ANKS1A: variants seen among roughly 807,000 people sequenced by gnomAD.
The protein encoded by ANKS1A is ankyrin repeat and sterile alpha motif domain containing 1A.
A neutral mutation model predicts 120.3 loss-of-function variants in ANKS1A; 55 were observed. That is an observed-to-expected ratio of 0.46 (90% CI 0.37 to 0.57). ANKS1A has a LOEUF of 0.57. Among genes scored for constraint, ANKS1A ranks in the 20% least tolerant of loss-of-function variants. ANKS1A has a pLI of 0.00. For synonymous variants in ANKS1A, 590 were observed against 604.7 expected (o/e 0.98, Z 0.36); for missense variants, 1,123 against 1,480.3 (o/e 0.76, Z 3.96).
intron 1 of ANKS1A, among the ~76,000 whole-genome samples, chr6:34,959,063 A>G (rs1056195351): frequency 7.9e-5 from 12 of 152,250 alleles, no homozygotes; most frequent in Middle Eastern, 6.3e-3. Context: ...AGTAAGCAAT[A>G]AAGTAGCTGG....
At chr6:34,902,737 A>G (rs1200307111) in intron 1 of ANKS1A, among the ~76,000 whole-genome samples, 1 of 148,790 alleles carries the variant, frequency 6.7e-6, no homozygotes, top group Non-Finnish European at 1.5e-5. Flanking sequence ...CGGAAGGCGG[A>G]GGTTGCAGTG....
At chr6:35,000,651 A>G (rs902921218) in intron 10 of ANKS1A, among the ~76,000 whole-genome samples, 4 of 152,156 alleles carry the variant, frequency 2.6e-5, no homozygotes, top group Non-Finnish European at 4.4e-5. Context: ...TCATGAAAGA[A>G]AAAATGTTAT....
intron 10 of ANKS1A, among the ~76,000 whole-genome samples, chr6:35,008,205 C>G (rs1328547742): frequency 6.8e-6 from 1 of 147,086 alleles, no homozygotes; most frequent in Non-Finnish European, 1.5e-5. Context: ...TCAGCAGCTT[C>G]CTCTTCTCTC....
intron 1 of ANKS1A, among the ~76,000 whole-genome samples, chr6:34,899,924 G>A (rs1214706085): frequency 1.3e-5 from 2 of 152,234 alleles, no homozygotes; most frequent in African/African-American, 4.8e-5. Flanking sequence ...AGCCCATACT[G>A]TAGTATTTGA....
At chr6:34,895,780 C>CTTTTT (rs995285475) in intron 1 of ANKS1A, among the ~76,000 whole-genome samples, 1,730 of 90,502 alleles carry the variant, frequency 0.019, 44 homozygotes, top group African/African-American at 0.039. Flanking sequence ...GAATGTCTTT[C>CTTTTT]TTTTTTTTTT....
rs1448436041 is a variant in ANKS1A, at chr6:34,989,456, A to G, written c.1302+140A>G. The G allele has an allele frequency of 1.8e-5, 14 of 766,246 alleles. No homozygotes were observed. In the South Asian group the frequency reaches 2.0e-4, roughly 11 times the overall value. 47.5% of individuals were successfully genotyped at this position (766,246 alleles called of 1,614,324 possible). ...TAAATTTGTATTATGTGTACTAGTA[A>G]TCTGGAATAAGACCTTCCAAACTCA... On this transcript the variant is annotated intron_variant, in intron 9 of 23. Coordinates refer to ENST00000360359, the MANE Select transcript of ANKS1A (RefSeq NM_015245.3).
At chr6:35,012,901 G>A (rs1773837918) in intron 10 of ANKS1A, among the ~76,000 whole-genome samples, 1 of 152,130 alleles carries the variant, frequency 6.6e-6, no homozygotes. Context: ...CAGACTGTGG[G>A]GAGGGCAGAG....
chr6:35,060,068 C>A lies in ANKS1A; in HGVS notation c.2078-79C>A. 1 of 1,157,820 alleles carries A rather than the reference C, an allele frequency of 8.6e-7. No individual in the cohort carries two copies. Among genetic ancestry groups the A allele is most frequent in the Non-Finnish European group, 1.3e-6 (1 of 788,178 alleles). The allele number at this position is 1,157,820 out of a possible 1,614,324, so 71.7% of individuals were successfully genotyped here. A position where few individuals can be genotyped will look rare whatever the true frequency, so the allele number is the denominator to read the frequency against. On this transcript the variant is annotated intron_variant, in intron 12 of 23. Transcript: ENST00000360359. The surrounding 1 kb of genome is among the most constrained non-coding windows in gnomAD (Gnocchi z 4.5). ...AATGACTATGATGTGGCAATGCCAT[C>A]TATCTTCCTCTGAGTGCCGCTGCTA...
intron 13 of ANKS1A, among the ~76,000 whole-genome samples, chr6:35,075,038 G>A (rs189368990): frequency 5.9e-5 from 9 of 152,308 alleles, no homozygotes; most frequent in Admixed American, 4.6e-4. Flanking sequence ...AGGAATTTCA[G>A]ACACCATAGA....
intron 1 of ANKS1A, among the ~76,000 whole-genome samples, chr6:34,910,659 G>T (rs1393551229): frequency 1.3e-5 from 2 of 152,002 alleles, no homozygotes; most frequent in African/African-American, 4.8e-5. Context: ...TCAGGAGTTC[G>T]AGACCAGCCT....
At chr6:34,952,191 A>C (rs1770123304) in intron 1 of ANKS1A, among the ~76,000 whole-genome samples, 1 of 152,168 alleles carries the variant, frequency 6.6e-6, no homozygotes, top group South Asian at 2.1e-4. Context: ...AGTTCTTATG[A>C]GAAGGAAATA....
chr6:34,904,074 G>A (rs1767510187), intron 1 of ANKS1A, among the ~76,000 whole-genome samples: 1 of 152,104 alleles, frequency 6.6e-6, no homozygotes, highest in Non-Finnish European at 1.5e-5. Context: ...AGTCTCCATG[G>A]GGGATTGATT....
At chr6:34,904,234 A>G (rs115183931) in intron 1 of ANKS1A, among the ~76,000 whole-genome samples, 35 of 152,344 alleles carry the variant, frequency 2.3e-4, no homozygotes, top group African/African-American at 7.7e-4. Context: ...AATGCTATGT[A>G]AATAGTTATT....
At chr6:35,000,462 A>G (rs1406496267) in intron 10 of ANKS1A, among the ~76,000 whole-genome samples, 4 of 20,152 alleles carry the variant, frequency 2.0e-4, no homozygotes, top group Non-Finnish European at 1.1e-3. Context: ...AAGTTCACTT[A>G]AAAAAAAAAA....
intron 1 of ANKS1A, among the ~76,000 whole-genome samples, chr6:34,965,688 T>G (rs536322006): frequency 6.6e-6 from 1 of 152,050 alleles, no homozygotes; most frequent in Non-Finnish European, 1.5e-5. Flanking sequence ...ACACTAAGCA[T>G]AAAGGCTCTG....
chr6:35,017,735 G>C lies in ANKS1A; in HGVS notation c.1686G>C (p.Gln562His), dbSNP rs141294562. The C allele has an allele frequency of 6.2e-7, 1 of 1,613,980 alleles. No individual in the cohort carries two copies. The highest frequency in any genetic ancestry group is 1.3e-5 in the African/African-American group (1 of 74,948). Residue 562 changes from glutamine to histidine, a missense_variant, in exon 11 of 24, where the codon CAG (glutamine) becomes CAC (histidine). Transcript: ENST00000360359. ...CCTCCCAGCCCAGTGCCCTGGACCA[G>C]AGCAAGAGAGTGGGCTACCTCACAG... ...PGASQPSALD[Q>H]SKRVGYLTGL...
chr6:34,992,419 G>A lies in ANKS1A; in HGVS notation c.1303-1883G>A, dbSNP rs180811450. On this transcript the variant is annotated intron_variant, in intron 9 of 23. Transcript: ENST00000360359. ...TCATCAGCCCTCTGCTGCATGAGAA[G>A]AAAGGATATTATAGGCTGGGCATCC... 7.9e-3 allele frequency among the ~76,000 whole-genome samples: 1,199 copies of A among 152,322 alleles called. 2 individuals are homozygous for A. The highest frequency in any genetic ancestry group is 0.012 in the Non-Finnish European group (818 of 68,022).
intron 3 of ANKS1A, among the ~76,000 whole-genome samples, chr6:34,972,382 T>A (rs554244149): frequency 2.0e-5 from 3 of 152,130 alleles, no homozygotes; most frequent in Non-Finnish European, 2.9e-5. Context: ...ACCATTAATA[T>A]GGTTCCAGTA....
At chr6:35,056,616 C>A (rs1776238277) in intron 12 of ANKS1A, among the ~76,000 whole-genome samples, 1 of 152,186 alleles carries the variant, frequency 6.6e-6, no homozygotes, top group Admixed American at 6.5e-5. Context: ...CCCCCGTGAA[C>A]CCATATGAGT....
Sources: allele counts gnomAD v4.1 joint callset (sites outside exome capture counted in the v4.1 genomes callset), GRCh38; gene constraint gnomAD v4.1.1; non-coding constraint Gnocchi (gnomAD v3.1); transcripts MANE v1.5; gene names NCBI Gene and HGNC (gene_info 2026-07-23, HGNC 2026-07-21).